IMMP2L: variants seen among roughly 807,000 people sequenced by gnomAD.
IMMP2L encodes the protein mitochondrial inner membrane protease subunit 2.
A neutral mutation model predicts 19.3 loss-of-function variants in IMMP2L; 18 were observed. The observed-to-expected ratio is 0.93, with a 90% CI of 0.64 to 1.38. The LOEUF (loss-of-function observed/expected upper bound fraction) is 1.38, where lower values mean the gene tolerates loss of function less well. IMMP2L is among the 40% of genes most tolerant of loss of function. IMMP2L has a pLI of 0.00. For synonymous variants in IMMP2L, 76 were observed against 73.0 expected (o/e 1.04, Z -0.21); for missense variants, 233 against 218.2 (o/e 1.07, Z -0.43).
chr7:111,424,060 T>C (rs779132487), intron 3 of IMMP2L, among the ~76,000 whole-genome samples: 13 of 151,854 alleles, frequency 8.6e-5, no homozygotes, highest in Admixed American at 3.3e-4. Flanking sequence ...GAATAATCAA[T>C]CTTATCACGT....
intron 3 of IMMP2L, among the ~76,000 whole-genome samples, chr7:111,339,945 G>A (rs946065597): frequency 6.6e-6 from 1 of 151,996 alleles, no homozygotes; most frequent in African/African-American, 2.4e-5. Flanking sequence ...CAGAGTGCTA[G>A]TTGGGATTCT....
intron 3 of IMMP2L, among the ~76,000 whole-genome samples, chr7:110,997,515 G>A (rs548237425): frequency 3.5e-4 from 53 of 152,154 alleles, no homozygotes; most frequent in Middle Eastern, 3.4e-3. Context: ...CTAAATCCTC[G>A]CAAGCATTTG....
At chr7:111,089,816 C>G (rs764530644) in intron 3 of IMMP2L, among the ~76,000 whole-genome samples, 10 of 152,008 alleles carry the variant, frequency 6.6e-5, no homozygotes, top group Admixed American at 3.3e-4. Context: ...TAGAAAACTA[C>G]AGAGTGAAAA....
At chr7:110,715,606 T>G (rs913649464) in intron 5 of IMMP2L, among the ~76,000 whole-genome samples, 1 of 152,210 alleles carries the variant, frequency 6.6e-6, no homozygotes. Context: ...TGATTTCTAT[T>G]TGTATTCCAC....
intron 1 of IMMP2L, among the ~76,000 whole-genome samples, chr7:111,522,717 G>C (rs1312434517): frequency 6.6e-6 from 1 of 151,942 alleles, no homozygotes; most frequent in Non-Finnish European, 1.5e-5. Flanking sequence ...TTACAGAAAA[G>C]AGTATGGAGG....
chr7:111,000,314 T>G, intron 3 of IMMP2L, among the ~76,000 whole-genome samples: 1 of 152,168 alleles, frequency 6.6e-6, no homozygotes, highest in East Asian at 1.9e-4. Flanking sequence ...ATATTCCAAG[T>G]ATACTATCTC....
At chr7:111,367,064 A>T (rs145157702) in intron 3 of IMMP2L, among the ~76,000 whole-genome samples, 6 of 151,836 alleles carry the variant, frequency 4.0e-5, no homozygotes, top group African/African-American at 1.4e-4. Context: ...AGGTACTGTG[A>T]GAGAGAGGAA....
Position 110,779,348 on chromosome 7 carries a change from T to C in IMMP2L, c.408+107245A>G, listed in dbSNP as rs1799590813. On this transcript the variant is annotated intron_variant, in intron 5 of 5. Transcript: ENST00000405709. ...ATTGTCTTTTCATTCAAACATCTTC[T>C]ATACCTGAAAAATATAGTAAGTTAT... is the stretch of plus-strand genomic sequence containing the variant. Among the ~76,000 whole-genome samples the C allele has an allele frequency of 2.6e-5, 4 of 152,024 alleles. No individual in the cohort carries two copies. The East Asian group carries it at 5.8e-4, about 22-fold the overall frequency.
intron 5 of IMMP2L, among the ~76,000 whole-genome samples, chr7:110,871,913 T>C (rs1808577119): frequency 6.6e-6 from 1 of 152,122 alleles, no homozygotes; most frequent in Non-Finnish European, 1.5e-5. Flanking sequence ...GGAGGCATAG[T>C]AGATTTTTAA....
intron 5 of IMMP2L, among the ~76,000 whole-genome samples, chr7:110,772,303 C>T (rs540339446): frequency 5.9e-5 from 9 of 152,188 alleles, no homozygotes; most frequent in Non-Finnish European, 8.8e-5. Flanking sequence ...TGGGTAATGC[C>T]GAGTACAACC....
At chr7:111,443,553 T>C (rs1837962736) in intron 3 of IMMP2L, among the ~76,000 whole-genome samples, 1 of 152,298 alleles carries the variant, frequency 6.6e-6, no homozygotes, top group South Asian at 2.1e-4. Context: ...GTTCTAAATA[T>C]GGGGACATCC....
intron 3 of IMMP2L, among the ~76,000 whole-genome samples, chr7:111,116,918 G>A (rs776662639): frequency 3.9e-5 from 6 of 152,090 alleles, no homozygotes; most frequent in South Asian, 4.1e-4. Flanking sequence ...AGCTTTAGAG[G>A]CAAAATGAAG....
chr7:111,072,440 A>C (rs1017166000), intron 3 of IMMP2L, among the ~76,000 whole-genome samples: 24 of 152,182 alleles, frequency 1.6e-4, no homozygotes, highest in African/African-American at 5.1e-4. Context: ...TTTTGATATG[A>C]TGAACTTAAT....
chr7:110,684,225 T>A (rs1054616516), intron 5 of IMMP2L, among the ~76,000 whole-genome samples: 1 of 152,116 alleles, frequency 6.6e-6, no homozygotes, highest in East Asian at 1.9e-4. Flanking sequence ...GAGAGCAGTT[T>A]ATTTACAAAA....
intron 3 of IMMP2L, among the ~76,000 whole-genome samples, chr7:111,343,019 G>C (rs1465004053): frequency 1.3e-5 from 2 of 151,882 alleles, no homozygotes; most frequent in Non-Finnish European, 2.9e-5. Flanking sequence ...ACCACTCCCT[G>C]GTAGTTTCAA....
At chr7:110,847,304 A>G (rs2131499429) in intron 5 of IMMP2L, among the ~76,000 whole-genome samples, 1 of 152,320 alleles carries the variant, frequency 6.6e-6, no homozygotes, top group South Asian at 2.1e-4. Context: ...GAAAAAAAGT[A>G]GTGTAATACA....
rs1266727768 is a variant in IMMP2L at position 110,926,754 on chromosome 7, A to ATC, written c.305+36744_305+36745dup. On this transcript the variant is annotated intron_variant, in intron 4 of 5. Coordinates refer to ENST00000405709, the MANE Select transcript of IMMP2L (RefSeq NM_032549.4). Reference sequence around the variant, plus strand: ...AGCACCTAGAAATGCTATAATAAACATCTCTATGAATTTTATCATTACAAT... The same window carrying ATC: ...AGCACCTAGAAATGCTATAATAAACATCTCTCTATGAATTTTATCATTACAAT... Among the ~76,000 whole-genome samples, 3 of 152,256 alleles carry ATC rather than the reference A, an allele frequency of 2.0e-5. No individual in the cohort carries two copies. The East Asian group carries it at 5.8e-4, about 29-fold the overall frequency.
chr7:111,344,418 TG>T (rs1034682723), intron 3 of IMMP2L, among the ~76,000 whole-genome samples: 2 of 152,198 alleles, frequency 1.3e-5, no homozygotes, highest in African/African-American at 4.8e-5. Flanking sequence ...AGACTTTCCT[TG>T]GACACCATAT....
intron 1 of IMMP2L, among the ~76,000 whole-genome samples, chr7:111,552,540 G>A (rs1248290268): frequency 2.6e-5 from 4 of 152,070 alleles, no homozygotes; most frequent in Non-Finnish European, 2.9e-5. Flanking sequence ...CACCTGCCTC[G>A]GCCTCCCAAA....
Sources: gnomAD v4.1 joint callset for allele counts (sites outside exome capture counted in the v4.1 genomes callset) on GRCh38, gnomAD v4.1.1 for gene constraint, MANE v1.5 for transcripts, NCBI Gene and HGNC (gene_info 2026-07-23, HGNC 2026-07-21) for gene names.